XKRX: variants seen among roughly 807,000 people sequenced by gnomAD.
XKRX encodes the protein XK-related protein 2.
XKRX carries 11 observed loss-of-function variants against 22.4 expected under a neutral mutation model. The observed-to-expected ratio is 0.49, with a 90% CI of 0.31 to 0.81. XKRX has a LOEUF of 0.81. Among genes scored for constraint, XKRX ranks in the 40% least tolerant of loss-of-function variants. The probability of loss-of-function intolerance (pLI) is 0.05; values close to 1 mark genes in which losing one functional copy is unlikely to be tolerated. For synonymous variants in XKRX, 114 were observed against 132.2 expected (o/e 0.86, Z 0.94); for missense variants, 320 against 336.5 (o/e 0.95, Z 0.38).
rs200406581 is a variant in XKRX, at chrX:100,914,780, A to C, written c.908T>G (p.Phe303Cys). 2.2e-4 allele frequency: 272 copies of C among 1,209,759 alleles called. No individual in the cohort carries two copies. The highest frequency in any genetic ancestry group is 2.5e-4 in the Non-Finnish European group (220 of 895,293). The stretch of plus-strand genomic sequence containing the variant: ...GACCACCAGAGTGCCGACCCGGCTG[A>C]AGTTTTTCTCAATGTTATTGGGCAT... ...AQMPNNIEKN[F>C]SRVGTLVVLI... Residue 303 changes from phenylalanine to cysteine, a missense_variant, in exon 3 of 3, where the codon TTC (phenylalanine) becomes TGC (cysteine). Physicochemically the swap from Phe to Cys is radical, Grantham distance 205 (BLOSUM62 -2). Coordinates refer to ENST00000372956, the MANE Select transcript of XKRX (RefSeq NM_212559.3).
chrX:100,904,032 G>A, the XKRX span, among the ~76,000 whole-genome samples: 3 of 111,642 alleles, frequency 2.7e-5, no homozygotes, highest in East Asian at 8.4e-4. Context: ...TAGCCAACTT[G>A]GTATTGGAAA....
chrX:100,895,673 T>A, the XKRX span, among the ~76,000 whole-genome samples: 1 of 111,726 alleles, frequency 9.0e-6, no homozygotes, highest in East Asian at 2.8e-4. Flanking sequence ...CTCCATTGGG[T>A]CTATTTCAAT....
the XKRX span, among the ~76,000 whole-genome samples, chrX:100,892,532 T>A: frequency 8.9e-6 from 1 of 112,238 alleles, no homozygotes; most frequent in Non-Finnish European, 1.9e-5. Flanking sequence ...ATAAATATTT[T>A]CAAAAGACAA....
At chrX:100,896,459 A>C in the XKRX span, among the ~76,000 whole-genome samples, 1 of 112,202 alleles carries the variant, frequency 8.9e-6, no homozygotes, top group Non-Finnish European at 1.9e-5. Context: ...TTTATCATGT[A>C]TCATCTTTGT....
At chrX:100,956,705 T>C in the XKRX span, 2 of 555,370 alleles carry the variant, frequency 3.6e-6, no homozygotes, top group South Asian at 2.3e-5. Flanking sequence ...AGCAAGATGA[T>C]TGACATCATT....
At chrX:100,957,607 C>T in the XKRX span, 1 of 609,911 alleles carries the variant, frequency 1.6e-6, no homozygotes, top group Non-Finnish European at 2.6e-6. Flanking sequence ...AATTCCACTT[C>T]CGGATGCAGT....
At chrX:100,899,506 C>T in the XKRX span, among the ~76,000 whole-genome samples, 1 of 112,245 alleles carries the variant, frequency 8.9e-6, no homozygotes, top group South Asian at 3.7e-4. Context: ...CAGAGTGGGA[C>T]CCTGTCTCAA....
the XKRX span, among the ~76,000 whole-genome samples, chrX:100,895,459 T>C: frequency 8.9e-6 from 1 of 112,129 alleles, no homozygotes; most frequent in Middle Eastern, 4.6e-3. Flanking sequence ...ATTGCACATA[T>C]ACAGTATAGC....
chrX:100,934,960 A>AGT, the XKRX span, among the ~76,000 whole-genome samples: 2 of 109,311 alleles, frequency 1.8e-5, no homozygotes, highest in Non-Finnish European at 3.8e-5. Context: ...ACTGAGAGAG[A>AGT]GTGTGTGTGA....
At chrX:100,897,420 C>T in the XKRX span, among the ~76,000 whole-genome samples, 1 of 108,781 alleles carries the variant, frequency 9.2e-6, no homozygotes, top group South Asian at 4.0e-4. Flanking sequence ...CCTGTCTCTA[C>T]CAAAAAATAC....
the XKRX span, among the ~76,000 whole-genome samples, chrX:100,953,301 AAAAC>A: frequency 6.0e-3 from 667 of 111,199 alleles, 3 homozygotes; most frequent in African/African-American, 0.012. Context: ...AAACAAAAAC[AAAAC>A]AAACAAACAA....
chrX:100,932,812 C>T, upstream of XKRX, among the ~76,000 whole-genome samples: 1 of 112,334 alleles, frequency 8.9e-6, no homozygotes, highest in Admixed American at 9.4e-5. Context: ...AATCAATAGC[C>T]AGAATGGAAG....
intron 1 of XKRX, among the ~76,000 whole-genome samples, chrX:100,927,141 T>G (rs1056903007): frequency 4.5e-5 from 5 of 110,747 alleles, no homozygotes; most frequent in African/African-American, 1.6e-4. Flanking sequence ...GAAGATCACT[T>G]GAGCCCAGTC....
At chrX:100,890,753 G>C in the XKRX span, among the ~76,000 whole-genome samples, 1 of 111,635 alleles carries the variant, frequency 9.0e-6, no homozygotes, top group Non-Finnish European at 1.9e-5. Flanking sequence ...CTGAGGCCTA[G>C]ATGCCATTCC....
At chrX:100,945,247 T>TACAC in the XKRX span, among the ~76,000 whole-genome samples, 7,308 of 55,247 alleles carry the variant, frequency 0.13, 347 homozygotes, top group Admixed American at 0.18. Context: ...ACCTGGGTGA[T>TACAC]ACACACACAC....
chrX:100,931,164 A>T (rs1219152598), upstream of XKRX, among the ~76,000 whole-genome samples: 1 of 109,792 alleles, frequency 9.1e-6, no homozygotes, highest in South Asian at 3.9e-4. Flanking sequence ...AAAAAAAAAA[A>T]AAAACATGGG....
At chrX:100,954,327 G>A in the XKRX span, among the ~76,000 whole-genome samples, 5 of 110,402 alleles carry the variant, frequency 4.5e-5, no homozygotes, top group South Asian at 1.6e-3. Context: ...CCTGAGGCAG[G>A]AGAATCACTT....
In XKRX at chrX:100,928,483, C is replaced by G; in HGVS notation, c.-179G>C. The G allele has an allele frequency of 9.2e-7, 1 of 1,091,537 alleles. No homozygotes were observed. Among genetic ancestry groups the G allele is most frequent in the African/African-American group, 1.9e-5 (1 of 53,528 alleles). The allele number at this position is 1,091,537 out of a possible 1,213,427, so 90.0% of individuals were successfully genotyped here. ...AACCGCTCTCTTCTAGACTCAGATT[C>G]GACTTGGAGTCTGGGATGGAAAGCC... On this transcript the variant is annotated 5_prime_UTR_variant, in exon 1 of 3. Coordinates refer to ENST00000372956, the MANE Select transcript of XKRX (RefSeq NM_212559.3).
the XKRX span, among the ~76,000 whole-genome samples, chrX:100,889,239 C>CAAAAAA: frequency 7.5e-5 from 4 of 53,112 alleles, no homozygotes; most frequent in Non-Finnish European, 1.4e-4. Context: ...GACTCTATCT[C>CAAAAAA]AAAAAAAAAA....
Sources: allele counts gnomAD v4.1 joint callset (sites outside exome capture counted in the v4.1 genomes callset), GRCh38; gene constraint gnomAD v4.1.1; transcripts MANE v1.5; gene names NCBI Gene and HGNC (gene_info 2026-07-23, HGNC 2026-07-21).